Variants in RNGTT observed in about 807,000 individuals in gnomAD.
RNGTT encodes the protein mRNA-capping enzyme.
RNGTT carries 33 observed loss-of-function variants against 79.3 expected under a neutral mutation model. That is an observed-to-expected ratio of 0.42 (90% CI 0.32 to 0.56). The LOEUF (loss-of-function observed/expected upper bound fraction) is 0.56, where lower values mean the gene tolerates loss of function less well. Ranked by LOEUF, RNGTT falls within the 20% of genes least tolerant of loss-of-function variation. The probability of loss-of-function intolerance (pLI) is 0.17; values close to 1 mark genes in which losing one functional copy is unlikely to be tolerated. For missense variants in RNGTT, 497 were observed against 739.1 expected, an observed-to-expected ratio of 0.67 and a Z score of 3.80; for synonymous variants, 222 against 235.9, an observed-to-expected ratio of 0.94 and a Z score of 0.54.
chr6:88,944,141 T>C (rs1470317439), intron 1 of RNGTT, among the ~76,000 whole-genome samples: 1 of 152,206 alleles, frequency 6.6e-6, no homozygotes, highest in East Asian at 1.9e-4. Context: ...AAAGAAGCCA[T>C]AATAATTAAA....
intron 14 of RNGTT, among the ~76,000 whole-genome samples, chr6:88,618,354 A>G (rs1010610463): frequency 6.6e-6 from 1 of 152,220 alleles, no homozygotes; most frequent in Non-Finnish European, 1.5e-5. Context: ...TCCCACATGT[A>G]TACAAACTAA....
chr6:88,878,205 C>A (rs926453367), intron 8 of RNGTT, among the ~76,000 whole-genome samples: 2 of 152,022 alleles, frequency 1.3e-5, no homozygotes, highest in African/African-American at 2.4e-5. Context: ...AAACGTTTCT[C>A]GTGTCTCAGC....
At position 88,773,633 on chromosome 6, in the gene RNGTT, G is replaced by C. The variant is rs141531483; in HGVS notation, c.1339-3759C>G. 1.2e-3 allele frequency among the ~76,000 whole-genome samples: 177 copies of C among 151,922 alleles called. 2 individuals carry two copies. The highest frequency in any genetic ancestry group is 4.1e-3 in the African/African-American group (171 of 41,492). On this transcript the variant is annotated intron_variant, in intron 12 of 15. Coordinates refer to ENST00000369485, the MANE Select transcript of RNGTT (RefSeq NM_003800.5). ...GATAGACAAAAACACCAACAGAATAGAATTAAGAGTACATAAATAAAGTCA... is the reference window on the plus strand; with the variant it reads ...GATAGACAAAAACACCAACAGAATACAATTAAGAGTACATAAATAAAGTCA...
chr6:88,817,748 C>CTTTTTTTTTTTTTTTTTTTTTTTT (rs1227582021), intron 11 of RNGTT, among the ~76,000 whole-genome samples: 1 of 99,996 alleles, frequency 1.0e-5, no homozygotes, highest in African/African-American at 3.4e-5. Context: ...CTATTCACAT[C>CTTTTTTTTTTTTTTTTTTTTTTTT]ATTTTTTTTT....
chr6:88,675,643 T>C (rs1664949059), intron 14 of RNGTT, among the ~76,000 whole-genome samples: 1 of 147,696 alleles, frequency 6.8e-6, no homozygotes, highest in African/African-American at 2.7e-5. Flanking sequence ...GAAATCTACA[T>C]AAAAGCTACT....
chr6:88,778,517 T>G (rs938108665), intron 12 of RNGTT, among the ~76,000 whole-genome samples: 1 of 152,208 alleles, frequency 6.6e-6, no homozygotes, highest in African/African-American at 2.4e-5. Flanking sequence ...AGTCTTGCTA[T>G]CTTGCCCAAG....
chr6:88,951,144 CCACCG>C, intron 1 of RNGTT, among the ~76,000 whole-genome samples: 1 of 152,218 alleles, frequency 6.6e-6, no homozygotes, highest in African/African-American at 2.4e-5. Context: ...TAGGTGTGAG[CCACCG>C]CACCTGGCCA....
At chr6:88,703,258 A>C (rs2127802825) in intron 13 of RNGTT, among the ~76,000 whole-genome samples, 1 of 152,352 alleles carries the variant, frequency 6.6e-6, no homozygotes, top group African/African-American at 2.4e-5. Context: ...TTGCATGTTC[A>C]CTGTGACACT....
intron 1 of RNGTT, among the ~76,000 whole-genome samples, chr6:88,960,598 AAAGAAAAAAAGG>A (rs1403627631): frequency 6.6e-6 from 1 of 152,186 alleles, no homozygotes; most frequent in African/African-American, 2.4e-5. Context: ...AAAGAAAAGA[AAAGAAAAAAAGG>A]AAAAAGGAAA....
At position 88,904,960 on chromosome 6, in the gene RNGTT, A is replaced by G; in HGVS notation, c.444-5T>C. On this transcript the variant is annotated splice_polypyrimidine_tract_variant and splice_region_variant and intron_variant, in intron 5 of 15. Transcript: ENST00000369485. ...GTAGCAACTGCTGCTTCGATACTAT[A>G]GGAAACAAACACCATGCAATTTCCT... 1 of 1,613,360 alleles carries G rather than the reference A, an allele frequency of 6.2e-7. No homozygotes were observed. The highest frequency in any genetic ancestry group is 8.5e-7 in the Non-Finnish European group (1 of 1,179,618).
chr6:88,660,952 A>G (rs1215131606), intron 14 of RNGTT, among the ~76,000 whole-genome samples: 1 of 152,212 alleles, frequency 6.6e-6, no homozygotes, highest in African/African-American at 2.4e-5. Flanking sequence ...AGATAACTGA[A>G]ATTATATCAA....
intron 13 of RNGTT, among the ~76,000 whole-genome samples, chr6:88,748,050 TCTGA>T (rs1777721271): frequency 6.6e-6 from 1 of 152,136 alleles, no homozygotes; most frequent in African/African-American, 2.4e-5. Context: ...TGATCCAGAA[TCTGA>T]CTGTTTCTCA....
chr6:88,822,831 G>T (rs1780537061), intron 11 of RNGTT, among the ~76,000 whole-genome samples: 1 of 152,104 alleles, frequency 6.6e-6, no homozygotes, highest in South Asian at 2.1e-4. Context: ...TTTGACAAAG[G>T]TGTCCAGGAA....
At chr6:88,703,006 A>G (rs1188712131) in intron 13 of RNGTT, among the ~76,000 whole-genome samples, 1 of 152,178 alleles carries the variant, frequency 6.6e-6, no homozygotes, top group East Asian at 1.9e-4. Flanking sequence ...ATGAAATACC[A>G]TCTCACACCA....
At chr6:88,629,298 G>A (rs1281291748) in intron 14 of RNGTT, among the ~76,000 whole-genome samples, 7 of 152,096 alleles carry the variant, frequency 4.6e-5, no homozygotes, top group Non-Finnish European at 7.4e-5. Flanking sequence ...AGTCTTTTCC[G>A]TTCTGGCAAC....
At chr6:88,890,691 A>G in intron 7 of RNGTT, 95 bp from the exon 8 acceptor site, 1 of 717,456 alleles carries the variant, frequency 1.4e-6, no homozygotes, top group Non-Finnish European at 2.3e-6. Flanking sequence ...CATTTATCAC[A>G]ATGTTCTCCC....
Position 88,904,845 on chromosome 6 carries a change from G to A in RNGTT, c.554C>T (p.Pro185Leu). 1.9e-6 allele frequency: 3 copies of A among 1,614,008 alleles called. No homozygotes were observed. The highest frequency in any genetic ancestry group is 2.5e-6 in the Non-Finnish European group (3 of 1,180,008). ...ACACCAATCTGGCAATAGAGGTGGGGGTGGTGCTTCCTCTATGTCACCATA... is the reference window on the plus strand; with the variant it reads ...ACACCAATCTGGCAATAGAGGTGGGAGTGGTGCTTCCTCTATGTCACCATA... ...RRYGDIEEAP[P>L]PPLLPDWCFE... is the part of the protein sequence containing the mutation. The change falls in exon 6 of 16, where the codon CCC (proline) becomes CTC (leucine). Residue 185 changes from proline to leucine, a missense_variant. By Grantham distance (98) the Pro-to-Leu change is moderately conservative (BLOSUM62 -3). Transcript: ENST00000369485.
chr6:88,725,349 A>T (rs1425102589), intron 13 of RNGTT, among the ~76,000 whole-genome samples: 1 of 152,218 alleles, frequency 6.6e-6, no homozygotes, highest in Non-Finnish European at 1.5e-5. Flanking sequence ...CAGACCAAGG[A>T]AGGATGTTGC....
intron 13 of RNGTT, among the ~76,000 whole-genome samples, chr6:88,697,393 T>TA (rs1455640581): frequency 2.0e-5 from 3 of 150,894 alleles, no homozygotes; most frequent in East Asian, 2.0e-4. Flanking sequence ...CTACTAAAAA[T>TA]AAAAAAAATT....
Sources: gnomAD v4.1 joint callset for allele counts (sites outside exome capture counted in the v4.1 genomes callset) on GRCh38, gnomAD v4.1.1 for gene constraint, MANE v1.5 for transcripts, NCBI Gene and HGNC (gene_info 2026-07-23, HGNC 2026-07-21) for gene names.